The following DNAH3 variants were observed in gnomAD, a reference collection of about 807,000 sequenced individuals.
DNAH3 encodes the protein axonemal beta dynein heavy chain 3.
A neutral mutation model predicts 432.5 loss-of-function variants in DNAH3; 332 were observed. The observed-to-expected ratio is 0.77, with a 90% confidence interval of 0.70 to 0.84. DNAH3 has a LOEUF of 0.84. Among genes scored for constraint, DNAH3 ranks in the 40% least tolerant of loss-of-function variants. DNAH3 has a pLI of 0.00. For missense variants in DNAH3, 4,861 were observed against 5,114.0 expected, an observed-to-expected ratio of 0.95 and a Z score of 1.51; for synonymous variants, 1,956 against 1,900.2, an observed-to-expected ratio of 1.03 and a Z score of -0.76.
chr16:21,155,621 CAAAAA>C lies in DNAH3; in HGVS notation c.117+3699_117+3703del, dbSNP rs369001374. On this transcript the variant is annotated intron_variant, in intron 1 of 61. Coordinates refer to ENST00000261383, the Ensembl canonical transcript of DNAH3. ...TGGGAGACAGAGCAAGACTCCGTCT[CAAAAA>C]AAAAAAAAAAAAAAAAAAGTTTTAG... Among the ~76,000 whole-genome samples the C allele has an allele frequency of 7.8e-3, 597 of 76,760 alleles. 2 individuals carry two copies. Among genetic ancestry groups the C allele is most frequent in the Non-Finnish European group, 0.01 (432 of 42,262 alleles). The allele number at this position is 76,760 out of a possible 152,430, so 50.4% of individuals were successfully genotyped here. A position where few individuals can be genotyped will look rare whatever the true frequency, so the allele number is the denominator to read the frequency against.
At chr16:21,023,728 A>C (rs1361540847) in intron 39 of DNAH3, among the ~76,000 whole-genome samples, 1 of 151,890 alleles carries the variant, frequency 6.6e-6, no homozygotes, top group African/African-American at 2.4e-5. Context: ...ACTTTGTGCC[A>C]GGGACATTGG....
intron 39 of DNAH3, among the ~76,000 whole-genome samples, chr16:21,023,779 C>T (rs2088377794): frequency 8.0e-6 from 1 of 125,292 alleles, no homozygotes; most frequent in Non-Finnish European, 1.6e-5. Flanking sequence ...GACTTGGCAG[C>T]TTTTGGGGTG....
intron 56 of DNAH3, among the ~76,000 whole-genome samples, chr16:20,949,234 T>C (rs1216012267): frequency 1.4e-5 from 2 of 139,458 alleles, no homozygotes; most frequent in African/African-American, 5.6e-5. Context: ...ACTGTAAACC[T>C]TCCTCTGGGT....
chr16:20,967,267 G>A (rs1390236912), intron 52 of DNAH3, among the ~76,000 whole-genome samples: 1 of 152,122 alleles, frequency 6.6e-6, no homozygotes, highest in African/African-American at 2.4e-5. Flanking sequence ...TCCATGGTTT[G>A]GGTGAATAAC....
chr16:20,978,489 ACT>A (rs2152654529), intron 50 of DNAH3, among the ~76,000 whole-genome samples: 1 of 152,326 alleles, frequency 6.6e-6, no homozygotes, highest in African/African-American at 2.4e-5. Flanking sequence ...AGATTGCGCC[ACT>A]GAGTTCCAGC....
At chr16:20,966,014 ATTTTTTTTTTTTTTTTTTTTTTT>A (rs555983378) in intron 52 of DNAH3, among the ~76,000 whole-genome samples, 14 of 48,362 alleles carry the variant, frequency 2.9e-4, no homozygotes, top group African/African-American at 4.1e-4. Context: ...TGCCCAGCCA[ATTTTTTTTTTTTTTTTTTTTTTT>A]TTTTTTTTTT....
chr16:20,940,227 T>G (rs1334234752), intron 59 of DNAH3, among the ~76,000 whole-genome samples: 1 of 148,134 alleles, frequency 6.8e-6, no homozygotes. Flanking sequence ...AATCTCAGAG[T>G]TTTTTTTTAT....
intron 10 of DNAH3, among the ~76,000 whole-genome samples, chr16:21,121,695 G>A (rs886961517): frequency 2.0e-5 from 3 of 150,674 alleles, no homozygotes; most frequent in Middle Eastern, 3.4e-3. Context: ...TCTGCCTCCC[G>A]GGTTCAAGTG....
chr16:21,148,249 A>G (rs935367140), intron 1 of DNAH3, among the ~76,000 whole-genome samples: 2 of 152,046 alleles, frequency 1.3e-5, no homozygotes, highest in African/African-American at 4.8e-5. Context: ...AAAAACAACA[A>G]CCGCAGCAAT....
At chr16:21,010,275 T>C (rs1367572916) in intron 41 of DNAH3, among the ~76,000 whole-genome samples, 3 of 152,120 alleles carry the variant, frequency 2.0e-5, no homozygotes, top group East Asian at 1.9e-4. Context: ...AAGAGGAGAA[T>C]AGCAGAAATT....
intron 51 of DNAH3, among the ~76,000 whole-genome samples, chr16:20,972,393 AT>A (rs1475483230): frequency 6.6e-6 from 1 of 151,684 alleles, no homozygotes; most frequent in Non-Finnish European, 1.5e-5. Context: ...CACCTGACCA[AT>A]TTTTTTCTTT....
At chr16:21,060,553 T>C (rs1371060368) in intron 25 of DNAH3, among the ~76,000 whole-genome samples, 197 bp from the exon 26 acceptor site, 1 of 137,170 alleles carries the variant, frequency 7.3e-6, no homozygotes, top group East Asian at 2.4e-4. Context: ...TGATACAGAG[T>C]CTCGCTCTGT....
At chr16:21,105,548 T>C (rs2091926598) in intron 15 of DNAH3, among the ~76,000 whole-genome samples, 1 of 151,968 alleles carries the variant, frequency 6.6e-6, no homozygotes, top group African/African-American at 2.4e-5. Flanking sequence ...GGCAGATCAC[T>C]TGAGGCCAGG....
At position 21,020,397 on chromosome 16, in the gene DNAH3, ATTTTTTTTT is replaced by A. The variant is rs56049638; in HGVS notation, c.5777-537_5777-529del. Reference sequence around the variant, plus strand: ...TCACTATATATATATATATATATATATTTTTTTTTTTTTTTTTTTTTTTGAGATGGAGTC... The same window carrying A: ...TCACTATATATATATATATATATATATTTTTTTTTTTTTTGAGATGGAGTC... On this transcript the variant is annotated intron_variant, in intron 40 of 61. Transcript: ENST00000261383. Among the ~76,000 whole-genome samples the A allele has an allele frequency of 1.2e-4, 4 of 34,584 alleles. No homozygotes were observed. In the East Asian group the frequency reaches 5.2e-3, roughly 45 times the overall value. 22.7% of individuals were successfully genotyped at this position (34,584 alleles called of 152,430 possible).
In DNAH3 at chr16:21,100,092, C is replaced by T. The variant is rs552446323; in HGVS notation, c.2367-1323G>A. On this transcript the variant is annotated intron_variant, in intron 16 of 61. Coordinates refer to ENST00000261383, the Ensembl canonical transcript of DNAH3. ...ATTAATTTTCAAGTGGTTTGAGTCT[C>T]TCTCTCTCTCTTTATCTCTTTCTTT... Among the ~76,000 whole-genome samples, 170 of 151,970 alleles carry T rather than the reference C, an allele frequency of 1.1e-3. 1 individual carries two copies. Among genetic ancestry groups the T allele is most frequent in the Middle Eastern group, 3.4e-3 (1 of 294 alleles).
At chr16:21,070,625 A>T (rs2090746603) in intron 22 of DNAH3, 85 bp downstream of exon 22, 1 of 812,204 alleles carries the variant, frequency 1.2e-6, no homozygotes. Context: ...TTTCTTTGTT[A>T]ACTGAACGTG....
At chr16:21,092,416 T>C (rs1243031976) in intron 18 of DNAH3, among the ~76,000 whole-genome samples, 2 of 151,948 alleles carry the variant, frequency 1.3e-5, no homozygotes, top group Non-Finnish European at 2.9e-5. Flanking sequence ...GACATCTATA[T>C]ACACACACAA....
intron 16 of DNAH3, among the ~76,000 whole-genome samples, chr16:21,098,988 C>T (rs2091767150): frequency 6.6e-6 from 1 of 152,128 alleles, no homozygotes; most frequent in South Asian, 2.1e-4. Context: ...TCCCAGAAAT[C>T]GAGCTGTTGT....
chr16:20,938,755 T>C lies in DNAH3; in HGVS notation c.11655-1902A>G, dbSNP rs561516153. ...TTGAGATGATTAATCCTGACCATCA[T>C]TGGAAAATAAGATTGCTTTCCCTGT... is the stretch of plus-strand genomic sequence containing the variant. On this transcript the variant is annotated intron_variant, in intron 59 of 61. Coordinates refer to ENST00000261383, the Ensembl canonical transcript of DNAH3. Among the ~76,000 whole-genome samples, 7 of 151,764 alleles carry C rather than the reference T, an allele frequency of 4.6e-5. No individual in the cohort carries two copies. The South Asian group carries it at 1.3e-3, about 27-fold the overall frequency.
Sources: gnomAD v4.1 joint callset for allele counts (sites outside exome capture counted in the v4.1 genomes callset) on GRCh38, gnomAD v4.1.1 for gene constraint, MANE v1.5 for transcripts, NCBI Gene and HGNC (gene_info 2026-07-23, HGNC 2026-07-21) for gene names.